DAZAP1: variants seen among roughly 807,000 people sequenced by gnomAD.
DAZAP1 encodes DAZ associated protein 1.
DAZAP1 carries 6 observed loss-of-function variants against 60.1 expected under a neutral mutation model. The observed-to-expected ratio is 0.10, with a 90% CI of 0.05 to 0.20. DAZAP1 has a LOEUF of 0.20. Among genes scored for constraint, DAZAP1 ranks in the 10% least tolerant of loss-of-function variants. The pLI is 1.00. For missense variants in DAZAP1, 366 were observed against 560.4 expected (o/e 0.65, Z 3.50); for synonymous variants, 235 against 215.9 (o/e 1.09, Z -0.78).
Position 1,418,811 on chromosome 19 carries a change from T to C in DAZAP1, c.303+80T>C, listed in dbSNP as rs1188205254. The C allele has an allele frequency of 7.7e-6, 11 of 1,426,850 alleles. No homozygotes were observed. The highest frequency in any genetic ancestry group is 1.0e-5 in the Non-Finnish European group (11 of 1,049,010). 88.4% of individuals were successfully genotyped at this position (1,426,850 alleles called of 1,614,324 possible). A position where few individuals can be genotyped will look rare whatever the true frequency, so the allele number is the denominator to read the frequency against. ...GAAATGCGTGCCTTCAATCTGCTGT[T>C]GTCGCTCGTTAAGATTGAGGGCGAC... is the stretch of plus-strand genomic sequence containing the variant. On this transcript the variant is annotated intron_variant, in intron 4 of 11. Coordinates refer to ENST00000233078, the MANE Select transcript of DAZAP1 (RefSeq NM_018959.4). This position sits in a 1 kb window ranked among gnomAD's most constrained non-coding sequence, Gnocchi z 5.7.
Position 1,422,216 on chromosome 19 carries a change from C to G in DAZAP1, c.415-132C>G. 1 of 757,356 alleles carries G rather than the reference C, an allele frequency of 1.3e-6. No individual in the cohort carries two copies. Among genetic ancestry groups the G allele is most frequent in the South Asian group, 1.6e-5 (1 of 62,794 alleles). The allele number at this position is 757,356 out of a possible 1,614,324, so 46.9% of individuals were successfully genotyped here. On this transcript the variant is annotated intron_variant, in intron 5 of 11. Coordinates refer to ENST00000233078, the MANE Select transcript of DAZAP1 (RefSeq NM_018959.4). This position sits in a 1 kb window ranked among gnomAD's most constrained non-coding sequence, Gnocchi z 4.5. ...GCAGCCCCACGGAGCAGCTGTTGCC[C>G]GTGCACCTCCCCCGCTCAGGGAGGG...
rs570354902 is a variant in DAZAP1 at position 1,428,300 on chromosome 19, C to T, written c.547-542C>T. 1 of 152,574 alleles carries T rather than the reference C, an allele frequency of 6.6e-6. No individual in the cohort carries two copies. The highest frequency in any genetic ancestry group is 1.9e-4 in the East Asian group (1 of 5,192). The allele number at this position is 152,574 out of a possible 1,614,324, so 9.5% of individuals were successfully genotyped here. A position where few individuals can be genotyped will look rare whatever the true frequency, so the allele number is the denominator to read the frequency against. On this transcript the variant is annotated intron_variant, in intron 7 of 11. Coordinates refer to ENST00000233078, the MANE Select transcript of DAZAP1 (RefSeq NM_018959.4). The surrounding 1 kb of genome is among the most constrained non-coding windows in gnomAD (Gnocchi z 4.0). ...CATTAGTTTTGAGTTAATTGAGATTCTTTAAGCGTTAGCCTGGGGAAGGTA... is the reference window on the plus strand; with the variant it reads ...CATTAGTTTTGAGTTAATTGAGATTTTTTAAGCGTTAGCCTGGGGAAGGTA...
Position 1,426,146 on chromosome 19 carries a change from C to T in DAZAP1, c.546+186C>T, listed in dbSNP as rs1315503999. On this transcript the variant is annotated intron_variant, in intron 7 of 11. Coordinates refer to ENST00000233078, the MANE Select transcript of DAZAP1 (RefSeq NM_018959.4). The surrounding 1 kb of genome is among the most constrained non-coding windows in gnomAD (Gnocchi z 5.4). Reference sequence around the variant, plus strand: ...GGTCCCATCCTTCCCCAGCACCCTTCCTGCGGGGTGGGGATCTCTCAGCTT... The same window carrying T: ...GGTCCCATCCTTCCCCAGCACCCTTTCTGCGGGGTGGGGATCTCTCAGCTT... 3.3e-5 allele frequency among the ~76,000 whole-genome samples: 5 copies of T among 152,212 alleles called. No individual in the cohort carries two copies. The highest frequency in any genetic ancestry group is 1.2e-4 in the African/African-American group (5 of 41,460).
In DAZAP1 at chr19:1,428,982, A is replaced by C. The variant is rs2083372852; in HGVS notation, c.687A>C (p.Gly229=). ...AGQPPPTWQQ[G]YGPQGMWVPA... ...AGCCCCCGCCCACGTGGCAGCAAGG[A>C]TATGGCCCGCAAGGTAAGGCTGATG... Residue 229 remains glycine, a synonymous_variant, in exon 8 of 12, where the codon GGA becomes GGC. Transcript: ENST00000233078. This position sits in a 1 kb window ranked among gnomAD's most constrained non-coding sequence, Gnocchi z 4.0. The C allele has an allele frequency of 6.3e-7, 1 of 1,599,940 alleles. No individual in the cohort carries two copies. Among genetic ancestry groups the C allele is most frequent in the Non-Finnish European group, 8.5e-7 (1 of 1,173,960 alleles).
rs2083364986 is a variant in DAZAP1, at chr19:1,428,695, A to G, written c.547-147A>G. ...AAGAATTTTTTAAGAAAAAAATGCTACTGGCCTAAATAAGGTTTATAGTTA... is the reference window on the plus strand; with the variant it reads ...AAGAATTTTTTAAGAAAAAAATGCTGCTGGCCTAAATAAGGTTTATAGTTA... On this transcript the variant is annotated intron_variant, in intron 7 of 11. Transcript: ENST00000233078. This position sits in a 1 kb window ranked among gnomAD's most constrained non-coding sequence, Gnocchi z 4.0. 1.0e-6 allele frequency: 1 copy of G among 971,560 alleles called. No homozygotes were observed. Among genetic ancestry groups the G allele is most frequent in the Non-Finnish European group, 1.5e-6 (1 of 664,448 alleles). 60.2% of individuals were successfully genotyped at this position (971,560 alleles called of 1,614,324 possible).
Position 1,418,072 on chromosome 19 carries a change from C to G in DAZAP1, c.71-132C>G, listed in dbSNP as rs1462771927. 2.3e-6 allele frequency: 2 copies of G among 888,494 alleles called. No homozygotes were observed. Among genetic ancestry groups the G allele is most frequent in the East Asian group, 2.6e-5 (1 of 39,154 alleles). The allele number at this position is 888,494 out of a possible 1,614,324, so 55.0% of individuals were successfully genotyped here. On this transcript the variant is annotated intron_variant, in intron 2 of 11. Transcript: ENST00000233078. This position sits in a 1 kb window ranked among gnomAD's most constrained non-coding sequence, Gnocchi z 5.7. ...ATTCCCCAGCGCTTCCCGTACACCC[C>G]CCACCCCCAGTGCAGCATCGCTCGG...
At position 1,432,986 on chromosome 19, in the gene DAZAP1, A is replaced by G. The variant is rs2083492513; in HGVS notation, c.1048+296A>G. The G allele has an allele frequency of 2.5e-6, 1 of 399,710 alleles. No homozygotes were observed. The highest frequency in any genetic ancestry group is 2.1e-5 in the African/African-American group (1 of 48,522). The allele number at this position is 399,710 out of a possible 1,614,324, so 24.8% of individuals were successfully genotyped here. On this transcript the variant is annotated intron_variant, in intron 11 of 11. Transcript: ENST00000233078. This position sits in a 1 kb window ranked among gnomAD's most constrained non-coding sequence, Gnocchi z 4.9. ...GGGTCGAGGGAAGTGAGTCGCAGGC[A>G]GCTGTGATCACTGTCTAGAGGTTCA...
Position 1,425,668 on chromosome 19 carries a change from GGAGTGCGGACGT to G in DAZAP1, c.464-209_464-198del, listed in dbSNP as rs922381231. ...GCCTCAGTCAGCAGAGCCGTCACCG[GGAGTGCGGACGT>G]CACCGTCTGTCCACTCCGTGTGCAG... On this transcript the variant is annotated intron_variant, in intron 6 of 11. Transcript: ENST00000233078. The surrounding 1 kb of genome is among the most constrained non-coding windows in gnomAD (Gnocchi z 5.4). Among the ~76,000 whole-genome samples, 1 of 152,234 alleles carries G rather than the reference GGAGTGCGGACGT, an allele frequency of 6.6e-6. No individual in the cohort carries two copies. The highest frequency in any genetic ancestry group is 2.4e-5 in the African/African-American group (1 of 41,456).
rs886890119 is a variant in DAZAP1 at position 1,435,063 on chromosome 19, C to T, written c.*151C>T. On this transcript the variant is annotated 3_prime_UTR_variant, in exon 12 of 12. Coordinates refer to ENST00000233078, the MANE Select transcript of DAZAP1 (RefSeq NM_018959.4). Reference sequence around the variant, plus strand: ...AGGCTTTTGGAGCGGCTGTGGGTGTCGTCTGGACTGAGGTTTTTAAATATT... The same window carrying T: ...AGGCTTTTGGAGCGGCTGTGGGTGTTGTCTGGACTGAGGTTTTTAAATATT... The T allele has an allele frequency of 1.1e-5, 6 of 563,428 alleles. No homozygotes were observed. Among genetic ancestry groups the T allele is most frequent in the Middle Eastern group, 3.3e-4 (1 of 3,018 alleles). The allele number at this position is 563,428 out of a possible 1,614,324, so 34.9% of individuals were successfully genotyped here. A position where few individuals can be genotyped will look rare whatever the true frequency, so the allele number is the denominator to read the frequency against.
rs2083554974 is a variant in DAZAP1, at chr19:1,434,811, G to A, written c.1123G>A (p.Gly375Ser). Residue 375 changes from glycine to serine, a missense_variant, in exon 12 of 12, where the codon GGT becomes AGT. Around this residue, in one of 3 missense-constraint regions of DAZAP1, gnomAD observed 240 missense variants for 308.8 expected, o/e 0.78. Transcript: ENST00000233078. This position sits in a 1 kb window ranked among gnomAD's most constrained non-coding sequence, Gnocchi z 8.0. ...DPSQQPPSYG[G>S]PSVPGSGGPP... ...CAGCCAGCAGCCTCCTTCCTACGGG[G>A]GTCCCTCCGTGCCAGGGTCGGGGGG... is the stretch of plus-strand genomic sequence containing the variant. The A allele has an allele frequency of 6.2e-7, 1 of 1,611,732 alleles. No homozygotes were observed. The highest frequency in any genetic ancestry group is 1.1e-5 in the South Asian group (1 of 90,974).
At chr19:1,424,953 C>T (rs766727270) in intron 6 of DAZAP1, among the ~76,000 whole-genome samples, 3 of 152,256 alleles carry the variant, frequency 2.0e-5, no homozygotes, top group African/African-American at 4.8e-5. Context: ...GGAGGAGACC[C>T]GCCCCGTTAG....
chr19:1,420,484 GAAAA>G (rs1336006438), intron 4 of DAZAP1, among the ~76,000 whole-genome samples: 1 of 140,964 alleles, frequency 7.1e-6, no homozygotes, highest in Non-Finnish European at 1.6e-5. Flanking sequence ...CTTGGATAGG[GAAAA>G]AAAAAAAAAA....
Position 1,425,780 on chromosome 19 carries a change from C to T in DAZAP1, c.464-98C>T. 1.1e-6 allele frequency: 1 copy of T among 894,722 alleles called. No individual in the cohort carries two copies. Among genetic ancestry groups the T allele is most frequent in the Non-Finnish European group, 1.9e-6 (1 of 531,692 alleles). The allele number at this position is 894,722 out of a possible 1,614,324, so 55.4% of individuals were successfully genotyped here. A position where few individuals can be genotyped will look rare whatever the true frequency, so the allele number is the denominator to read the frequency against. ...CGCCCCACACACAGCTTAGCTGAAA[C>T]CCAAGGTCGATCCCTCGGCCCGTCC... On this transcript the variant is annotated intron_variant, in intron 6 of 11. Transcript: ENST00000233078. This position sits in a 1 kb window ranked among gnomAD's most constrained non-coding sequence, Gnocchi z 5.4.
chr19:1,434,082 G>C lies in DAZAP1; in HGVS notation c.1049-655G>C, dbSNP rs2083529981. On this transcript the variant is annotated intron_variant, in intron 11 of 11. Transcript: ENST00000233078. The surrounding 1 kb of genome is among the most constrained non-coding windows in gnomAD (Gnocchi z 8.0). The stretch of plus-strand genomic sequence containing the variant: ...GGAGGGGCTTCCTGCAAGGTGTGCA[G>C]CGGGGTGGGGAGCGGCGTGAGCAGC... 1 of 544,486 alleles carries C rather than the reference G, an allele frequency of 1.8e-6. No homozygotes were observed. The highest frequency in any genetic ancestry group is 1.9e-5 in the African/African-American group (1 of 52,460). The allele number at this position is 544,486 out of a possible 1,614,324, so 33.7% of individuals were successfully genotyped here.
intron 10 of DAZAP1, among the ~76,000 whole-genome samples, chr19:1,431,058 G>A (rs1453296305): frequency 1.3e-5 from 2 of 151,770 alleles, no homozygotes; most frequent in Non-Finnish European, 2.9e-5. Context: ...TCCTGTACAC[G>A]TCACTTGTAA....
chr19:1,409,505 T>C (rs181997234), intron 1 of DAZAP1, among the ~76,000 whole-genome samples: 3 of 152,314 alleles, frequency 2.0e-5, no homozygotes, highest in Admixed American at 1.3e-4. Flanking sequence ...CGCCACGGGC[T>C]GCGTGGAGGA....
In DAZAP1 at chr19:1,430,209, C is replaced by A. The variant is rs1569094744; in HGVS notation, c.731-13C>A. 6.3e-7 allele frequency: 1 copy of A among 1,588,676 alleles called. No individual in the cohort carries two copies. The highest frequency in any genetic ancestry group is 8.6e-7 in the Non-Finnish European group (1 of 1,167,750). Reference sequence around the variant, plus strand: ...GCGCTCTCTGTCCATCACCCCCGTACTGTGTGTTTCAGGTGGCTATGGACC... The same window carrying A: ...GCGCTCTCTGTCCATCACCCCCGTAATGTGTGTTTCAGGTGGCTATGGACC... On this transcript the variant is annotated splice_polypyrimidine_tract_variant and intron_variant, in intron 9 of 11. Transcript: ENST00000233078.
rs763660643 is a variant in DAZAP1, at chr19:1,435,633, T to C, written c.*721T>C. On this transcript the variant is annotated 3_prime_UTR_variant, in exon 12 of 12. Coordinates refer to ENST00000233078, the MANE Select transcript of DAZAP1 (RefSeq NM_018959.4). ...GCACGTGGCTTCAGGGCGTTTCCCATTGACCAGTTTGACCCTGGTTTGAAT... is the reference window on the plus strand; with the variant it reads ...GCACGTGGCTTCAGGGCGTTTCCCACTGACCAGTTTGACCCTGGTTTGAAT... 6.6e-6 allele frequency: 1 copy of C among 152,272 alleles called. No individual in the cohort carries two copies. The highest frequency in any genetic ancestry group is 1.5e-5 in the Non-Finnish European group (1 of 68,048). The allele number at this position is 152,272 out of a possible 1,614,324, so 9.4% of individuals were successfully genotyped here.
chr19:1,431,439 AT>A (rs1000239447), intron 10 of DAZAP1, among the ~76,000 whole-genome samples: 2 of 150,030 alleles, frequency 1.3e-5, no homozygotes, highest in African/African-American at 2.5e-5. Flanking sequence ...TATTTTATTT[AT>A]TTTTTTGAGA....
Sources: allele counts gnomAD v4.1 joint callset (sites outside exome capture counted in the v4.1 genomes callset), GRCh38; gene constraint gnomAD v4.1.1; regional missense constraint gnomAD v4.1.1; non-coding constraint Gnocchi (gnomAD v3.1); transcripts MANE v1.5; gene names NCBI Gene and HGNC (gene_info 2026-07-23, HGNC 2026-07-21).